Variants in PALM2AKAP2 observed in about 807,000 individuals in gnomAD.
PALM2AKAP2 encodes PALM2 and AKAP2 fusion.
Under a neutral mutation model 71.5 loss-of-function variants are expected in PALM2AKAP2, and 37 were observed. That is an observed-to-expected ratio of 0.52 (90% CI 0.40 to 0.68). The LOEUF (loss-of-function observed/expected upper bound fraction) is 0.68, where lower values mean the gene tolerates loss of function less well. Ranked by LOEUF, PALM2AKAP2 falls within the 30% of genes least tolerant of loss-of-function variation. PALM2AKAP2 has a pLI of 0.00. For synonymous variants in PALM2AKAP2, 468 were observed against 478.8 expected (o/e 0.98, Z 0.29); for missense variants, 1,224 against 1,191.8 (o/e 1.03, Z -0.40).
intron 2 of PALM2AKAP2, among the ~76,000 whole-genome samples, chr9:110,152,980 G>T (rs765877845): frequency 6.6e-6 from 1 of 152,068 alleles, no homozygotes; most frequent in African/African-American, 2.4e-5. Flanking sequence ...CTCTCCTAAG[G>T]GGGTAGATAG....
At chr9:109,679,791 G>C (rs1827703237) in intron 1 of PALM2AKAP2, among the ~76,000 whole-genome samples, 2 of 152,084 alleles carry the variant, frequency 1.3e-5, no homozygotes, top group Non-Finnish European at 2.9e-5. Context: ...AAACTTCTCT[G>C]GTTGATTATT....
chr9:109,904,672 G>T (rs1830405076), intron 3 of PALM2AKAP2, among the ~76,000 whole-genome samples: 1 of 152,182 alleles, frequency 6.6e-6, no homozygotes, highest in African/African-American at 2.4e-5. Context: ...ACAACTTCAG[G>T]GGTGGGACCT....
chr9:110,133,532 A>G (rs1322292918), intron 1 of PALM2AKAP2, among the ~76,000 whole-genome samples: 1 of 152,168 alleles, frequency 6.6e-6, no homozygotes, highest in Non-Finnish European at 1.5e-5. Flanking sequence ...TTTGCCTTTT[A>G]GTTTCCTTTA....
At chr9:110,047,432 A>G (rs1833621727), upstream of PALM2AKAP2, among the ~76,000 whole-genome samples, 2 of 152,074 alleles carry the variant, frequency 1.3e-5, no homozygotes. Context: ...ATTTCTTTGT[A>G]TTGGAAATCA....
chr9:110,160,589 G>A (rs1836572471), intron 3 of PALM2AKAP2, among the ~76,000 whole-genome samples: 1 of 152,202 alleles, frequency 6.6e-6, no homozygotes, highest in South Asian at 2.1e-4. Flanking sequence ...AGTCCATCCT[G>A]AGTGACATGA....
At chr9:109,997,048 G>A (rs1480668510) in intron 6 of PALM2AKAP2, among the ~76,000 whole-genome samples, 2 of 152,038 alleles carry the variant, frequency 1.3e-5, no homozygotes, top group Admixed American at 1.3e-4. Flanking sequence ...ATTTAACTGG[G>A]CGTGGTGGCA....
At chr9:109,948,171 G>A (rs114842006) in intron 6 of PALM2AKAP2, among the ~76,000 whole-genome samples, 398 of 152,294 alleles carry the variant, frequency 2.6e-3, no homozygotes, top group African/African-American at 8.9e-3. Context: ...ATGCAGATAT[G>A]TATCTGTGTT....
chr9:109,840,061 A>G (rs1828610314), intron 1 of PALM2AKAP2, among the ~76,000 whole-genome samples: 1 of 152,234 alleles, frequency 6.6e-6, no homozygotes, highest in Non-Finnish European at 1.5e-5. Context: ...TGCCAAGTCA[A>G]TCTTAAGCCA....
chr9:109,801,705 G>GAT (rs1827434717), intron 1 of PALM2AKAP2, among the ~76,000 whole-genome samples: 1 of 148,020 alleles, frequency 6.8e-6, no homozygotes, highest in Non-Finnish European at 1.5e-5. Context: ...CCCAGGTGTT[G>GAT]ATATGTGTGT....
chr9:109,672,707 A>G (rs964093260), intron 1 of PALM2AKAP2, among the ~76,000 whole-genome samples: 2 of 152,168 alleles, frequency 1.3e-5, no homozygotes, highest in African/African-American at 4.8e-5. Context: ...TACATCTGGT[A>G]GAATTTGGCT....
At chr9:109,982,723 C>T (rs2132202214) in intron 6 of PALM2AKAP2, among the ~76,000 whole-genome samples, 1 of 152,242 alleles carries the variant, frequency 6.6e-6, no homozygotes, top group East Asian at 1.9e-4. Context: ...CTCCAGGGCT[C>T]AAGAGATTCA....
At chr9:109,847,248 CAGAT>C (rs1828882922) in intron 1 of PALM2AKAP2, among the ~76,000 whole-genome samples, 1 of 152,024 alleles carries the variant, frequency 6.6e-6, no homozygotes, top group Admixed American at 6.6e-5. Context: ...GGAGATCTGA[CAGAT>C]AGAAGGGGAG....
chr9:109,783,177 G>C (rs914466805), intron 1 of PALM2AKAP2, among the ~76,000 whole-genome samples: 7 of 152,142 alleles, frequency 4.6e-5, no homozygotes, highest in Non-Finnish European at 8.8e-5. Flanking sequence ...CTGGTTGTAA[G>C]GTTTAGTTAG....
chr9:109,807,458 T>G (rs1226762465), intron 1 of PALM2AKAP2, among the ~76,000 whole-genome samples: 3 of 152,082 alleles, frequency 2.0e-5, no homozygotes, highest in African/African-American at 4.8e-5. Context: ...AAGGCATTAG[T>G]AGGTTTGGTG....
At chr9:109,894,045 A>G (rs7858283) in intron 3 of PALM2AKAP2, among the ~76,000 whole-genome samples, 2 of 141,424 alleles carry the variant, frequency 1.4e-5, no homozygotes, top group African/African-American at 5.0e-5. Context: ...AAAAAAAAAA[A>G]GAAGCATCTG....
rs192476354 is a variant in PALM2AKAP2 at position 109,825,297 on chromosome 9, G to T, written c.46-42194G>T. Among the ~76,000 whole-genome samples the T allele has an allele frequency of 1.8e-4, 27 of 152,282 alleles. No individual in the cohort carries two copies. In the East Asian group the frequency reaches 5.2e-3, roughly 29 times the overall value. On this transcript the variant is annotated intron_variant, in intron 1 of 9. Transcript: ENST00000302798. ...AGGCAATATCTCATTCAGGACATAG[G>T]CATGGGCAAGGACTTCATGTCTAAA...
chr9:109,959,240 G>T (rs958018737), intron 6 of PALM2AKAP2, among the ~76,000 whole-genome samples: 1 of 152,182 alleles, frequency 6.6e-6, no homozygotes, highest in Non-Finnish European at 1.5e-5. Context: ...TGAATGTCCA[G>T]TGTACTGGGT....
chr9:110,127,218 T>A (rs913156825), intron 1 of PALM2AKAP2, among the ~76,000 whole-genome samples: 1 of 152,172 alleles, frequency 6.6e-6, no homozygotes, highest in East Asian at 1.9e-4. Flanking sequence ...TGAGCTGTAA[T>A]GGCTTCATGG....
At position 110,151,326 on chromosome 9, in the gene PALM2AKAP2, C is replaced by T. The variant is rs143897598; in HGVS notation, c.2570-4993C>T. Among the ~76,000 whole-genome samples, 694 of 152,320 alleles carry T rather than the reference C, an allele frequency of 4.6e-3. 3 individuals carry two copies. The highest frequency in any genetic ancestry group is 8.3e-3 in the Non-Finnish European group (567 of 68,016). ...TCAGCCTCCTGAAGTGCTGGGATTA[C>T]AGGCATGAGCCTCTGCACCTGGCTT... is the stretch of plus-strand genomic sequence containing the variant. On this transcript the variant is annotated intron_variant, in intron 2 of 3. Transcript: ENST00000374525.
Sources: gnomAD v4.1 joint callset for allele counts (sites outside exome capture counted in the v4.1 genomes callset) on GRCh38, gnomAD v4.1.1 for gene constraint, MANE v1.5 for transcripts, NCBI Gene and HGNC (gene_info 2026-07-23, HGNC 2026-07-21) for gene names.